The following FAM13A variants were observed in gnomAD, a reference collection of about 807,000 sequenced individuals.
FAM13A encodes the protein protein FAM13A.
Under a neutral mutation model 129.6 loss-of-function variants are expected in FAM13A, and 76 were observed. The observed-to-expected ratio is 0.59, with a 90% confidence interval of 0.49 to 0.71. FAM13A has a LOEUF of 0.71. Among genes scored for constraint, FAM13A ranks in the 30% least tolerant of loss-of-function variants. The pLI is 0.00. For missense variants in FAM13A, 1,108 were observed against 1,249.3 expected (o/e 0.89, Z 1.70); for synonymous variants, 443 against 449.9 (o/e 0.98, Z 0.20).
At chr4:88,916,324 G>T (rs940140929) in intron 5 of FAM13A, among the ~76,000 whole-genome samples, 1 of 152,132 alleles carries the variant, frequency 6.6e-6, no homozygotes, top group Non-Finnish European at 1.5e-5. Flanking sequence ...ATCCAATATA[G>T]AGTTTTCCTT....
In FAM13A at chr4:88,748,999, A is replaced by G; in HGVS notation, c.2114T>C (p.Val705Ala). Residue 705 changes from valine (V) to alanine (A), a missense_variant, in exon 17 of 24, where the codon GTT becomes GCT. Physicochemically the swap from Val to Ala is moderately conservative, Grantham distance 64 (BLOSUM62 0). Around this residue, in one of 3 missense-constraint regions of FAM13A, gnomAD observed 529 missense variants for 621.2 expected, o/e 0.85. Coordinates refer to ENST00000264344, the MANE Select transcript of FAM13A (RefSeq NM_014883.4). ...SHSDKAANPEVLKWTNDLAKF... is the reference protein window; with the variant it reads ...SHSDKAANPEALKWTNDLAKF... ...GGCAAGGTCATTTGTCCATTTCAGA[A>G]CCTCCGGATTGGCTGCTTTGTCACT... The G allele has an allele frequency of 1.2e-6, 2 of 1,614,066 alleles. No homozygotes were observed. Among genetic ancestry groups the G allele is most frequent in the African/African-American group, 1.3e-5 (1 of 75,052 alleles).
At chr4:89,018,381 T>C (rs1766801684) in intron 3 of FAM13A, among the ~76,000 whole-genome samples, 1 of 152,218 alleles carries the variant, frequency 6.6e-6, no homozygotes, top group South Asian at 2.1e-4. Flanking sequence ...TGCTGGCACC[T>C]TGATCTTGGA....
At chr4:88,861,068 C>T (rs1739408402) in intron 6 of FAM13A, among the ~76,000 whole-genome samples, 1 of 152,120 alleles carries the variant, frequency 6.6e-6, no homozygotes, top group Non-Finnish European at 1.5e-5. Context: ...TTCTCTGAGG[C>T]TCAGCTGCCT....
chr4:88,837,204 A>G (rs961424574), intron 7 of FAM13A, among the ~76,000 whole-genome samples: 10 of 150,846 alleles, frequency 6.6e-5, no homozygotes, highest in Non-Finnish European at 1.5e-4. Flanking sequence ...CATGTTGGTC[A>G]GGCTGGTCTT....
At chr4:88,864,581 T>G (rs1740065551) in intron 6 of FAM13A, among the ~76,000 whole-genome samples, 1 of 151,860 alleles carries the variant, frequency 6.6e-6, no homozygotes, top group African/African-American at 2.4e-5. Flanking sequence ...GCTAATTTTT[T>G]GTATTTTAGT....
At chr4:88,735,366 A>G (rs1379253674) in intron 21 of FAM13A, among the ~76,000 whole-genome samples, 1 of 152,242 alleles carries the variant, frequency 6.6e-6, no homozygotes, top group East Asian at 1.9e-4. Context: ...GTTATCAGCT[A>G]TTATTGATAC....
intron 6 of FAM13A, among the ~76,000 whole-genome samples, chr4:88,892,138 C>T (rs575909500): frequency 6.6e-6 from 1 of 150,710 alleles, no homozygotes; most frequent in Admixed American, 6.6e-5. Flanking sequence ...TGAGCTGCTG[C>T]ACTCCAGCCT....
intron 10 of FAM13A, among the ~76,000 whole-genome samples, chr4:88,782,763 CAGG>C (rs1203550323): frequency 1.3e-5 from 2 of 152,106 alleles, no homozygotes; most frequent in African/African-American, 2.4e-5. Flanking sequence ...TAATTGAAGA[CAGG>C]AGGAGAAGAT....
At chr4:88,824,496 A>G (rs1359430420) in intron 7 of FAM13A, among the ~76,000 whole-genome samples, 3 of 152,228 alleles carry the variant, frequency 2.0e-5, no homozygotes, top group Non-Finnish European at 4.4e-5. Flanking sequence ...ATCATCATAC[A>G]TAATGATAAA....
intron 2 of FAM13A, among the ~76,000 whole-genome samples, chr4:89,025,245 G>GTTGT (rs1767781429): frequency 9.8e-5 from 6 of 61,370 alleles, no homozygotes; most frequent in African/African-American, 3.2e-4. Flanking sequence ...TGGAATCATT[G>GTTGT]TTTTTTTTTT....
chr4:88,850,725 A>G lies in FAM13A; in HGVS notation c.1007+295T>C, dbSNP rs370670417. Among the ~76,000 whole-genome samples the G allele has an allele frequency of 2.7e-3, 412 of 152,350 alleles. 2 individuals carry two copies. The highest frequency in any genetic ancestry group is 8.9e-3 in the African/African-American group (369 of 41,584). On this transcript the variant is annotated intron_variant, in intron 7 of 23. Coordinates refer to ENST00000264344, the MANE Select transcript of FAM13A (RefSeq NM_014883.4). ...AAATTGCAGATATTTTCTACTGAAC[A>G]TGCTATGAAAAAGCATCCAAAAATA... is the stretch of plus-strand genomic sequence containing the variant.
intron 6 of FAM13A, among the ~76,000 whole-genome samples, chr4:88,853,179 A>C (rs983116654): frequency 6.6e-6 from 1 of 152,198 alleles, no homozygotes; most frequent in Admixed American, 6.5e-5. Context: ...ATAAACGTAC[A>C]AAAACACTTC....
chr4:88,762,742 G>A (rs1403395788), intron 13 of FAM13A, among the ~76,000 whole-genome samples: 1 of 151,840 alleles, frequency 6.6e-6, no homozygotes, highest in African/African-American at 2.4e-5. Context: ...CTCTAACAGG[G>A]CTCTTCATAT....
chr4:88,855,853 C>A (rs1217926513), intron 6 of FAM13A: 2 of 152,120 alleles, frequency 1.3e-5, no homozygotes, highest in Admixed American at 6.5e-5. Context: ...CAACAGTAAG[C>A]TGTAAGGCTC....
intron 6 of FAM13A, among the ~76,000 whole-genome samples, chr4:88,885,808 CAAA>C (rs60733033): frequency 1.3e-4 from 16 of 125,416 alleles, no homozygotes; most frequent in African/African-American, 4.5e-4. Context: ...AACAAATTAG[CAAA>C]AAAAAAAAAA....
chr4:88,811,514 T>A (rs768048398), intron 7 of FAM13A, among the ~76,000 whole-genome samples: 4 of 149,960 alleles, frequency 2.7e-5, no homozygotes, highest in Non-Finnish European at 4.4e-5. Context: ...CTGAATGCCC[T>A]TCTGATTAAC....
chr4:88,877,180 A>G (rs1394363633), intron 6 of FAM13A, among the ~76,000 whole-genome samples: 1 of 152,210 alleles, frequency 6.6e-6, no homozygotes, highest in African/African-American at 2.4e-5. Flanking sequence ...TGATGTATGC[A>G]ACTGATACCG....
chr4:88,961,206 C>G (rs1396240674), intron 4 of FAM13A, among the ~76,000 whole-genome samples: 1 of 151,924 alleles, frequency 6.6e-6, no homozygotes, highest in Non-Finnish European at 1.5e-5. Context: ...AATATAGTTG[C>G]AATGAAAGCT....
At chr4:88,811,430 G>C (rs538208654) in intron 7 of FAM13A, among the ~76,000 whole-genome samples, 1 of 152,074 alleles carries the variant, frequency 6.6e-6, no homozygotes, top group Non-Finnish European at 1.5e-5. Context: ...TAGAATCAAA[G>C]AAATATTATA....
Sources: gnomAD v4.1 joint callset for allele counts (sites outside exome capture counted in the v4.1 genomes callset) on GRCh38, gnomAD v4.1.1 for gene constraint, gnomAD v4.1.1 regional missense constraint, MANE v1.5 for transcripts, NCBI Gene and HGNC (gene_info 2026-07-23, HGNC 2026-07-21) for gene names.